The following WWOX variants were observed in gnomAD, a reference collection of about 807,000 sequenced individuals.
The protein encoded by WWOX is WW domain containing oxidoreductase, also known as WW domain-containing oxidoreductase.
In WWOX, 69 loss-of-function variants were observed where a neutral mutation model predicts 46.2. That is an observed-to-expected ratio of 1.49 (90% confidence interval 1.23 to 1.82). The LOEUF (loss-of-function observed/expected upper bound fraction) is 1.82, where lower values mean the gene tolerates loss of function less well. Ranked by LOEUF, WWOX falls within the 40% of genes most tolerant of loss-of-function variation. WWOX has a pLI of 0.00. For missense variants in WWOX, 919 were observed against 542.6 expected, an observed-to-expected ratio of 1.69 and a Z score of -6.89; for synonymous variants, 359 against 202.6, an observed-to-expected ratio of 1.77 and a Z score of -6.56.
At chr16:78,314,798 C>A (rs189717777) in intron 5 of WWOX, among the ~76,000 whole-genome samples, 1 of 150,734 alleles carries the variant, frequency 6.6e-6, no homozygotes, top group African/African-American at 2.4e-5. Flanking sequence ...GCAAGCCACC[C>A]GCCTTGGCCT....
chr16:78,634,223 T>C (rs2046509820), intron 8 of WWOX, among the ~76,000 whole-genome samples: 1 of 152,154 alleles, frequency 6.6e-6, no homozygotes, highest in African/African-American at 2.4e-5. Context: ...AATGCCATAG[T>C]GGTGAGCTAA....
chr16:78,677,117 G>T (rs17708413), intron 8 of WWOX, among the ~76,000 whole-genome samples: 10,428 of 150,598 alleles, frequency 0.069, 447 homozygotes, highest in South Asian at 0.13. Context: ...GCATTATATT[G>T]CATCTACACA....
chr16:78,703,778 A>T (rs182242877), intron 8 of WWOX, among the ~76,000 whole-genome samples: 1 of 152,202 alleles, frequency 6.6e-6, no homozygotes, highest in East Asian at 1.9e-4. Context: ...TTTTGACTTC[A>T]CAGGGAGAAT....
intron 8 of WWOX, among the ~76,000 whole-genome samples, chr16:78,848,987 A>T (rs919969213): frequency 6.6e-6 from 1 of 152,144 alleles, no homozygotes; most frequent in Non-Finnish European, 1.5e-5. Flanking sequence ...TGCTGCGATG[A>T]CTCGCAAAGA....
At chr16:78,188,597 T>C (rs1030828042) in intron 5 of WWOX, among the ~76,000 whole-genome samples, 1 of 151,880 alleles carries the variant, frequency 6.6e-6, no homozygotes, top group African/African-American at 2.4e-5. Flanking sequence ...CCCAGAATAG[T>C]AGGACCATCA....
intron 8 of WWOX, among the ~76,000 whole-genome samples, chr16:78,849,465 T>C (rs1419175923): frequency 6.9e-6 from 1 of 145,032 alleles, no homozygotes; most frequent in African/African-American, 2.6e-5. Context: ...TCCCAGCTAC[T>C]GGGGAGGCTG....
At chr16:78,691,390 C>T in intron 8 of WWOX, 1 of 663,882 alleles carries the variant, frequency 1.5e-6, no homozygotes, top group Non-Finnish European at 2.7e-6. Flanking sequence ...CTAAGTTGGC[C>T]TACAGGGTGC....
chr16:78,261,799 T>TATATATATAG (rs2079246912), intron 5 of WWOX, among the ~76,000 whole-genome samples: 5 of 71,700 alleles, frequency 7.0e-5, no homozygotes, highest in African/African-American at 2.9e-4. Flanking sequence ...TATATATATA[T>TATATATATAG]ATATATATAT....
rs61113878 is a variant in WWOX, at chr16:78,356,071, T to TAAAAAAAAAAAAAAAAAAAAAAAAA, written c.517-30767_517-30766insAAAAAAAAAAAAAAAAAAAAAAAAA. Among the ~76,000 whole-genome samples the TAAAAAAAAAAAAAAAAAAAAAAAAA allele has an allele frequency of 6.2e-4, 47 of 76,138 alleles. 1 individual carries two copies. Among genetic ancestry groups the TAAAAAAAAAAAAAAAAAAAAAAAAA allele is most frequent in the Middle Eastern group, 0.014 (1 of 70 alleles). The allele number at this position is 76,138 out of a possible 152,430, so 49.9% of individuals were successfully genotyped here. A position where few individuals can be genotyped will look rare whatever the true frequency, so the allele number is the denominator to read the frequency against. On this transcript the variant is annotated intron_variant, in intron 5 of 8. Coordinates refer to ENST00000566780, the MANE Select transcript of WWOX (RefSeq NM_016373.4). ...TATGACCACCAAGATTTTTTTTTCC[T>TAAAAAAAAAAAAAAAAAAAAAAAAA]AAAAAAAAAAAAAAAAAAAAAAGAA...
chr16:79,011,911 C>A (rs904388825), intron 8 of WWOX, among the ~76,000 whole-genome samples: 2 of 152,200 alleles, frequency 1.3e-5, no homozygotes, highest in Admixed American at 1.3e-4. Context: ...GCCTCAGCCT[C>A]CTGAGTCACT....
At chr16:79,064,371 A>C (rs796205931) in intron 8 of WWOX, among the ~76,000 whole-genome samples, 11 of 152,350 alleles carry the variant, frequency 7.2e-5, no homozygotes, top group African/African-American at 2.6e-4. Flanking sequence ...CCTTATCTGT[A>C]AAAGTAGGAA....
chr16:78,356,456 G>A (rs562184903), intron 5 of WWOX, among the ~76,000 whole-genome samples: 7 of 152,268 alleles, frequency 4.6e-5, no homozygotes, highest in African/African-American at 1.7e-4. Flanking sequence ...AGGCAGGAAG[G>A]AAGGAGATAT....
chr16:78,628,744 C>T (rs1055053416), intron 8 of WWOX, among the ~76,000 whole-genome samples: 3 of 152,070 alleles, frequency 2.0e-5, no homozygotes, highest in Non-Finnish European at 4.4e-5. Context: ...TAATTTCTTG[C>T]TTTCAAATGA....
chr16:79,211,576 A>AT lies in WWOX; in HGVS notation c.1057-23dup, dbSNP rs202093359. The AT allele has an allele frequency of 2.2e-3, 3,516 of 1,607,826 alleles. 70 individuals carry two copies. In the Admixed American group the frequency reaches 0.04, roughly 18 times the overall value. ...CCATCTCATCACTCCTTTTCTTAAA[A>AT]TTTTTTTTTGTCTTTCTTCTTGGAT... On this transcript the variant is annotated intron_variant, in intron 8 of 8. Coordinates refer to ENST00000566780, the MANE Select transcript of WWOX (RefSeq NM_016373.4).
chr16:78,498,674 T>G (rs140260611), intron 8 of WWOX, among the ~76,000 whole-genome samples: 1 of 152,294 alleles, frequency 6.6e-6, no homozygotes, highest in East Asian at 1.9e-4. Context: ...GGCATTTACT[T>G]AGGCCGATTC....
At chr16:78,112,052 C>T (rs2032522217) in intron 3 of WWOX, 1 of 152,382 alleles carries the variant, frequency 6.6e-6, no homozygotes, top group African/African-American at 2.4e-5. Flanking sequence ...CCACCCTGGG[C>T]CCAGCTGTTT....
At chr16:78,909,702 G>C (rs2045059402) in intron 8 of WWOX, among the ~76,000 whole-genome samples, 1 of 152,188 alleles carries the variant, frequency 6.6e-6, no homozygotes, top group South Asian at 2.1e-4. Flanking sequence ...GGAGTACATA[G>C]TTTGTTCTTT....
chr16:79,145,755 C>G (rs1050161370), intron 8 of WWOX, among the ~76,000 whole-genome samples: 2 of 151,868 alleles, frequency 1.3e-5, no homozygotes, highest in East Asian at 1.9e-4. Context: ...GAAGAGTTGG[C>G]TAGATGTAAG....
intron 8 of WWOX, among the ~76,000 whole-genome samples, chr16:78,999,201 C>T (rs1487741795): frequency 2.6e-5 from 4 of 151,268 alleles, no homozygotes; most frequent in Middle Eastern, 3.2e-3. Context: ...CCAGGGGCAG[C>T]GGGTCATACC....
Sources: allele counts gnomAD v4.1 joint callset (sites outside exome capture counted in the v4.1 genomes callset), GRCh38; gene constraint gnomAD v4.1.1; transcripts MANE v1.5; gene names NCBI Gene and HGNC (gene_info 2026-07-23, HGNC 2026-07-21).